Variants in TNIK observed in about 807,000 individuals in gnomAD.
TNIK encodes the protein TRAF2 and NCK interacting kinase, also known as TRAF2 and NCK-interacting protein kinase.
Under a neutral mutation model 191.3 loss-of-function variants are expected in TNIK, and 49 were observed. The ratio of observed to expected loss-of-function variants is 0.26; its 90% CI spans 0.20 to 0.32. TNIK has a LOEUF of 0.32. Among genes scored for constraint, TNIK ranks in the 10% least tolerant of loss-of-function variants. The pLI is 1.00. For synonymous variants in TNIK, 594 were observed against 600.9 expected (o/e 0.99, Z 0.17); for missense variants, 1,155 against 1,702.3 (o/e 0.68, Z 5.66).
At chr3:171,116,921 A>T (rs1164403955) in intron 18 of TNIK, among the ~76,000 whole-genome samples, 1 of 152,238 alleles carries the variant, frequency 6.6e-6, no homozygotes, top group Non-Finnish European at 1.5e-5. Flanking sequence ...TTGCCTATTG[A>T]TATTGCAGTC....
chr3:171,065,355 A>G (rs1043745654), intron 32 of TNIK, among the ~76,000 whole-genome samples: 2 of 152,180 alleles, frequency 1.3e-5, no homozygotes, highest in Non-Finnish European at 2.9e-5. Flanking sequence ...CCAGGTTTGG[A>G]CTAAGACCAA....
At chr3:171,198,262 C>CA (rs35713743) in intron 4 of TNIK, among the ~76,000 whole-genome samples, 36,477 of 142,728 alleles carry the variant, frequency 0.26, 4,857 homozygotes, top group East Asian at 0.5. Context: ...GACTCCGTCT[C>CA]AAAAAAAAAA....
chr3:171,220,250 C>T lies in TNIK; in HGVS notation c.180+7915G>A, dbSNP rs150724471. Among the ~76,000 whole-genome samples the T allele has an allele frequency of 5.4e-3, 817 of 151,938 alleles. 3 individuals are homozygous for T. Among genetic ancestry groups the T allele is most frequent in the African/African-American group, 0.012 (512 of 41,446 alleles). ...CACAATGGGGCCTGTCGTGGGGTGGCGGGCAAGGGGAGGGAGAGCATTAGG... is the reference window on the plus strand; with the variant it reads ...CACAATGGGGCCTGTCGTGGGGTGGTGGGCAAGGGGAGGGAGAGCATTAGG... On this transcript the variant is annotated intron_variant, in intron 3 of 32. Transcript: ENST00000436636.
intron 2 of TNIK, among the ~76,000 whole-genome samples, chr3:171,329,999 G>A (rs1756236780): frequency 6.6e-6 from 1 of 152,182 alleles, no homozygotes. Flanking sequence ...AAGGAGGGAG[G>A]ACCTGAAGGA....
intron 1 of TNIK, among the ~76,000 whole-genome samples, chr3:171,454,290 G>A (rs938392793): frequency 5.3e-5 from 8 of 152,118 alleles, no homozygotes; most frequent in South Asian, 2.1e-4. Context: ...GAATGGCGTC[G>A]AAACAAGAAG....
rs138349804 is a variant in TNIK, at chr3:171,159,482, G to A, written c.1016+1788C>T. 5.6e-3 allele frequency among the ~76,000 whole-genome samples: 860 copies of A among 152,222 alleles called. 5 individuals are homozygous for A. The highest frequency in any genetic ancestry group is 0.012 in the African/African-American group (497 of 41,520). ...TGATGTTCCATAGACAATGCTTGGC[G>A]TCTACTCACAAGCCTTCTCTAAAAC... On this transcript the variant is annotated intron_variant, in intron 11 of 32. Coordinates refer to ENST00000436636, the MANE Select transcript of TNIK (RefSeq NM_015028.4). This position sits in a 1 kb window ranked among gnomAD's most constrained non-coding sequence, Gnocchi z 4.1.
intron 2 of TNIK, among the ~76,000 whole-genome samples, chr3:171,315,343 C>G (rs180674997): frequency 3.9e-5 from 6 of 152,234 alleles, no homozygotes; most frequent in Admixed American, 3.9e-4. Flanking sequence ...TGAAATGGAA[C>G]AAATATCCTG....
intron 32 of TNIK, 84 bp downstream of exon 32, chr3:171,066,103 A>T: frequency 6.6e-7 from 1 of 1,524,406 alleles, no homozygotes; most frequent in Admixed American, 1.8e-5. Flanking sequence ...GATTCAAATC[A>T]GTATAAAGGA....
intron 4 of TNIK, among the ~76,000 whole-genome samples, chr3:171,200,433 A>G (rs543165487): frequency 1.3e-5 from 2 of 152,354 alleles, no homozygotes; most frequent in East Asian, 3.9e-4. Flanking sequence ...TTAATTTTTA[A>G]AAGCCAAAGA....
At chr3:171,410,640 G>T (rs533684751) in intron 1 of TNIK, among the ~76,000 whole-genome samples, 1 of 151,984 alleles carries the variant, frequency 6.6e-6, no homozygotes, top group South Asian at 2.1e-4. Flanking sequence ...TTGGCCAGGC[G>T]TGGTGGCAGG....
At chr3:171,197,764 C>T (rs1438877503) in intron 4 of TNIK, among the ~76,000 whole-genome samples, 6 of 152,164 alleles carry the variant, frequency 3.9e-5, no homozygotes, top group African/African-American at 1.4e-4. Flanking sequence ...CAGAAAATCA[C>T]AAGTATTGGT....
intron 19 of TNIK, among the ~76,000 whole-genome samples, chr3:171,109,539 GTTAGGAGATAAACTAAGGGTA>G (rs1430549982): frequency 1.3e-5 from 2 of 152,340 alleles, no homozygotes; most frequent in East Asian, 3.9e-4. Flanking sequence ...CTGAAAGGGT[GTTAGGAGATAAACTAAGGGTA>G]TTAGGAGGTG....
At chr3:171,191,285 T>G (rs1274567681) in intron 5 of TNIK, among the ~76,000 whole-genome samples, 1 of 152,234 alleles carries the variant, frequency 6.6e-6, no homozygotes, top group South Asian at 2.1e-4. Flanking sequence ...CCTTACTCTG[T>G]CGCCCAGGCT....
At chr3:171,219,052 AAT>A (rs1445989877) in intron 3 of TNIK, among the ~76,000 whole-genome samples, 2 of 60,852 alleles carry the variant, frequency 3.3e-5, no homozygotes, top group Admixed American at 3.3e-4. Flanking sequence ...AATTATATTT[AAT>A]ATAATATATT....
At chr3:171,143,032 T>G (rs746158390) in intron 12 of TNIK, among the ~76,000 whole-genome samples, 1 of 152,216 alleles carries the variant, frequency 6.6e-6, no homozygotes, top group South Asian at 2.1e-4. Context: ...ACAGTATTGA[T>G]TGCAACTCAA....
intron 2 of TNIK, among the ~76,000 whole-genome samples, chr3:171,309,296 A>G (rs1753776047): frequency 6.6e-6 from 1 of 152,178 alleles, no homozygotes; most frequent in Non-Finnish European, 1.5e-5. Context: ...AAAATAACAC[A>G]GGAAAAGACA....
intron 2 of TNIK, among the ~76,000 whole-genome samples, chr3:171,257,616 T>C (rs1747047924): frequency 6.6e-6 from 1 of 152,200 alleles, no homozygotes; most frequent in African/African-American, 2.4e-5. Flanking sequence ...ATGAAGAACA[T>C]GTCAGGTACT....
At chr3:171,373,428 C>G (rs1255693477) in intron 1 of TNIK, among the ~76,000 whole-genome samples, 2 of 152,154 alleles carry the variant, frequency 1.3e-5, no homozygotes, top group African/African-American at 4.8e-5. Context: ...ATTTTGTTCA[C>G]TAAGTGTCAA....
chr3:171,392,482 A>G (rs1337469121), intron 1 of TNIK, among the ~76,000 whole-genome samples: 1 of 152,164 alleles, frequency 6.6e-6, no homozygotes, highest in Non-Finnish European at 1.5e-5. Flanking sequence ...ATCATATTTT[A>G]TTATTAAGAA....
Sources: gnomAD v4.1 joint callset for allele counts (sites outside exome capture counted in the v4.1 genomes callset) on GRCh38, gnomAD v4.1.1 for gene constraint, Gnocchi (gnomAD v3.1) non-coding constraint, MANE v1.5 for transcripts, NCBI Gene and HGNC (gene_info 2026-07-23, HGNC 2026-07-21) for gene names.